The following AHCYL2 variants were observed in gnomAD, a reference collection of about 807,000 sequenced individuals.
AHCYL2 encodes the protein adenosylhomocysteinase like 2.
A neutral mutation model predicts 81.4 loss-of-function variants in AHCYL2; 28 were observed. The ratio of observed to expected loss-of-function variants is 0.34; its 90% CI spans 0.25 to 0.47. The LOEUF (loss-of-function observed/expected upper bound fraction) is 0.47, where lower values mean the gene tolerates loss of function less well. Among genes scored for constraint, AHCYL2 ranks in the 20% least tolerant of loss-of-function variants. The probability of loss-of-function intolerance (pLI) is 1.00; values close to 1 mark genes in which losing one functional copy is unlikely to be tolerated. For missense variants in AHCYL2, 551 were observed against 785.1 expected (o/e 0.70, Z 3.56); for synonymous variants, 272 against 290.2 (o/e 0.94, Z 0.64).
rs1331260627 is a variant in AHCYL2, at chr7:129,427,292, G to T, written c.*247G>T. On this transcript the variant is annotated 3_prime_UTR_variant, in exon 17 of 17. Transcript: ENST00000325006. This position sits in a 1 kb window ranked among gnomAD's most constrained non-coding sequence, Gnocchi z 5.5. ...TGGGCTGAGGAAGGAAAGAAATGGG[G>T]TTACTGCTCCCAGTGCATCATTTGC... 3 of 449,738 alleles carry T rather than the reference G, an allele frequency of 6.7e-6. No homozygotes were observed. The highest frequency in any genetic ancestry group is 6.9e-4 in the Middle Eastern group (2 of 2,882). 27.9% of individuals were successfully genotyped at this position (449,738 alleles called of 1,614,324 possible).
chr7:129,375,122 G>C (rs1347721096), intron 1 of AHCYL2, among the ~76,000 whole-genome samples: 2 of 151,974 alleles, frequency 1.3e-5, no homozygotes, highest in Non-Finnish European at 2.9e-5. Context: ...AAGCAAACTG[G>C]GTCACTCTGT....
rs1014667766 is a variant in AHCYL2 at position 129,379,627 on chromosome 7, C to T, written c.364-11C>T. On this transcript the variant is annotated splice_polypyrimidine_tract_variant and intron_variant, in intron 1 of 16. Coordinates refer to ENST00000325006, the MANE Select transcript of AHCYL2 (RefSeq NM_015328.4). ...TCTTTTTCTTTATATAACTAGGTTT[C>T]TTTTTCTTAGCAGATCCAGTTTGCT... 3.0e-5 allele frequency: 48 copies of T among 1,608,826 alleles called. No individual in the cohort carries two copies. Among genetic ancestry groups the T allele is most frequent in the Non-Finnish European group, 3.9e-5 (46 of 1,178,030 alleles).
intron 1 of AHCYL2, among the ~76,000 whole-genome samples, chr7:129,285,314 A>G (rs924304627): frequency 2.0e-5 from 3 of 152,186 alleles, no homozygotes; most frequent in African/African-American, 7.2e-5. Flanking sequence ...AGTTTGTTGA[A>G]CTGAATTAAA....
intron 12 of AHCYL2, among the ~76,000 whole-genome samples, chr7:129,414,901 A>G (rs745990574): frequency 2.9e-4 from 44 of 152,176 alleles, no homozygotes; most frequent in Admixed American, 2.4e-3. Flanking sequence ...ATTGCCAGGT[A>G]AGGACCAGCT....
intron 1 of AHCYL2, chr7:129,283,278 G>A: frequency 6.8e-6 from 3 of 442,024 alleles, no homozygotes; most frequent in Non-Finnish European, 9.1e-6. Context: ...ATATTCTCAA[G>A]GCAGTAAGCA....
At chr7:129,315,951 C>G (rs1436148423) in intron 1 of AHCYL2, among the ~76,000 whole-genome samples, 1 of 151,988 alleles carries the variant, frequency 6.6e-6, no homozygotes, top group Non-Finnish European at 1.5e-5. Context: ...GTTTCAGAGG[C>G]GGAAGAGGAG....
intron 1 of AHCYL2, among the ~76,000 whole-genome samples, chr7:129,277,184 T>A (rs1003419198): frequency 7.9e-5 from 12 of 152,056 alleles, no homozygotes; most frequent in African/African-American, 2.7e-4. Context: ...TATTTAAAGG[T>A]TACAACTTGG....
chr7:129,407,300 T>G (rs569563919), intron 10 of AHCYL2, among the ~76,000 whole-genome samples: 1 of 152,278 alleles, frequency 6.6e-6, no homozygotes, highest in African/African-American at 2.4e-5. Context: ...TGCAGTGAGT[T>G]GTGATTATGC....
intron 1 of AHCYL2, among the ~76,000 whole-genome samples, chr7:129,359,286 A>C (rs1425867176): frequency 1.3e-5 from 2 of 152,248 alleles, no homozygotes; most frequent in Admixed American, 1.3e-4. Flanking sequence ...GTTCAAAAAT[A>C]GGCAGAACTG....
At chr7:129,348,802 A>G (rs1793450962) in intron 1 of AHCYL2, among the ~76,000 whole-genome samples, 3 of 152,130 alleles carry the variant, frequency 2.0e-5, no homozygotes, top group Admixed American at 2.0e-4. Context: ...ACCTGAATGG[A>G]TCAATGAACC....
chr7:129,389,880 T>C (rs1219750578), intron 4 of AHCYL2, 146 bp downstream of exon 4: 2 of 596,480 alleles, frequency 3.4e-6, no homozygotes, highest in Non-Finnish European at 5.5e-6. Context: ...AAGCAGGTAT[T>C]CTTGTTTCCA....
Position 129,292,531 on chromosome 7 carries a change from C to T in AHCYL2, c.363+67092C>T, listed in dbSNP as rs375653681. On this transcript the variant is annotated intron_variant, in intron 1 of 16. Transcript: ENST00000325006. ...CCTGTAATCCTAGCACTTTGGGAGT[C>T]TGAGACAGGCAGATCACCTGAGGTC... 7.9e-5 allele frequency among the ~76,000 whole-genome samples: 12 copies of T among 152,278 alleles called. No homozygotes were observed. The East Asian group carries it at 1.4e-3, about 17-fold the overall frequency.
chr7:129,335,453 A>G (rs994006577), intron 1 of AHCYL2, among the ~76,000 whole-genome samples: 1 of 152,130 alleles, frequency 6.6e-6, no homozygotes, highest in African/African-American at 2.4e-5. Context: ...TACCTATTAC[A>G]GTTAGTGTTG....
intron 1 of AHCYL2, among the ~76,000 whole-genome samples, chr7:129,232,132 A>G (rs1052413198): frequency 6.6e-6 from 1 of 152,110 alleles, no homozygotes; most frequent in Non-Finnish European, 1.5e-5. Context: ...CTTACATTCT[A>G]CAGTGCTCCA....
intron 1 of AHCYL2, among the ~76,000 whole-genome samples, chr7:129,262,166 T>C (rs1245230731): frequency 1.3e-5 from 2 of 152,154 alleles, no homozygotes; most frequent in Non-Finnish European, 2.9e-5. Flanking sequence ...GAGGTCACAA[T>C]ATAATTGGAG....
At chr7:129,328,630 G>A (rs183423735) in intron 1 of AHCYL2, among the ~76,000 whole-genome samples, 245 of 152,144 alleles carry the variant, frequency 1.6e-3, no homozygotes, top group Non-Finnish European at 2.8e-3. Flanking sequence ...GATTACAGGC[G>A]TGTGCCACTA....
intron 1 of AHCYL2, among the ~76,000 whole-genome samples, chr7:129,249,184 G>C (rs12111832): frequency 0.24 from 36,721 of 151,458 alleles, 4,622 homozygotes; most frequent in East Asian, 0.4. Context: ...TTTTTGTAGA[G>C]ACAAGATCTT....
rs1014667766 is a variant in AHCYL2, at chr7:129,379,627, C to A, written c.364-11C>A. 13 of 1,608,826 alleles carry A rather than the reference C, an allele frequency of 8.1e-6. No individual in the cohort carries two copies. Among genetic ancestry groups the A allele is most frequent in the African/African-American group, 2.7e-5 (2 of 74,428 alleles). On this transcript the variant is annotated splice_polypyrimidine_tract_variant and intron_variant, in intron 1 of 16. Coordinates refer to ENST00000325006, the MANE Select transcript of AHCYL2 (RefSeq NM_015328.4). ...TCTTTTTCTTTATATAACTAGGTTT[C>A]TTTTTCTTAGCAGATCCAGTTTGCT... is the stretch of plus-strand genomic sequence containing the variant.
intron 4 of AHCYL2, among the ~76,000 whole-genome samples, chr7:129,390,751 G>A (rs1795428317): frequency 6.6e-6 from 1 of 152,138 alleles, no homozygotes. Flanking sequence ...GTCCCTCCAG[G>A]ATACTCCATC....
Sources: gnomAD v4.1 joint callset for allele counts (sites outside exome capture counted in the v4.1 genomes callset) on GRCh38, gnomAD v4.1.1 for gene constraint, Gnocchi (gnomAD v3.1) non-coding constraint, MANE v1.5 for transcripts, NCBI Gene and HGNC (gene_info 2026-07-23, HGNC 2026-07-21) for gene names.